Variants in DAB1 observed in about 807,000 individuals in gnomAD.
DAB1 encodes disabled homolog 1.
Under a neutral mutation model 64.6 loss-of-function variants are expected in DAB1, and 15 were observed. That is an observed-to-expected ratio of 0.23 (90% confidence interval 0.16 to 0.36). The LOEUF (loss-of-function observed/expected upper bound fraction) is 0.36. Ranked by LOEUF, DAB1 falls within the 10% of genes least tolerant of loss-of-function variation. DAB1 has a pLI of 1.00. For missense variants in DAB1, 596 were observed against 706.7 expected, an observed-to-expected ratio of 0.84 and a Z score of 1.78; for synonymous variants, 235 against 251.9, an observed-to-expected ratio of 0.93 and a Z score of 0.64.
chr1:57,704,014 C>T (rs2101734506), intron 6 of DAB1, among the ~76,000 whole-genome samples: 1 of 152,144 alleles, frequency 6.6e-6, no homozygotes, highest in Middle Eastern at 3.4e-3. Context: ...TAAAGGGGAA[C>T]AACACACACG....
intron 1 of DAB1, among the ~76,000 whole-genome samples, chr1:57,393,537 A>T (rs1019984144): frequency 6.6e-5 from 10 of 152,232 alleles, no homozygotes; most frequent in South Asian, 2.1e-4. Flanking sequence ...ACAAAAAAAA[A>T]ATATAAAAAT....
chr1:57,451,527 G>C (rs1198095852), intron 7 of DAB1, among the ~76,000 whole-genome samples: 1 of 152,130 alleles, frequency 6.6e-6, no homozygotes, highest in East Asian at 1.9e-4. Context: ...CATTTTCCTT[G>C]TATCCGAGAT....
chr1:57,975,893 G>C (rs1645907753), intron 5 of DAB1, among the ~76,000 whole-genome samples: 1 of 152,164 alleles, frequency 6.6e-6, no homozygotes, highest in South Asian at 2.1e-4. Flanking sequence ...CAAACTTAAG[G>C]ACTTCAAAGA....
chr1:57,215,153 T>C (rs1666332418), intron 2 of DAB1, among the ~76,000 whole-genome samples: 2 of 152,046 alleles, frequency 1.3e-5, no homozygotes, highest in South Asian at 2.1e-4. Flanking sequence ...GAGACTGTTG[T>C]ATTTGGGGTT....
chr1:58,079,842 T>C (rs542697658), intron 5 of DAB1, among the ~76,000 whole-genome samples: 1 of 152,154 alleles, frequency 6.6e-6, no homozygotes, highest in South Asian at 2.1e-4. Context: ...TTTAATTGCC[T>C]TATTTTCATA....
chr1:58,500,287 T>G (rs538292865), intron 3 of DAB1, among the ~76,000 whole-genome samples: 1 of 152,332 alleles, frequency 6.6e-6, no homozygotes, highest in South Asian at 2.1e-4. Context: ...ATATTTGCCT[T>G]TTCCTCAACA....
At chr1:57,538,999 A>C (rs1644763714) in intron 7 of DAB1, among the ~76,000 whole-genome samples, 1 of 152,192 alleles carries the variant, frequency 6.6e-6, no homozygotes, top group Non-Finnish European at 1.5e-5. Context: ...TTAGCATTTC[A>C]ATTGTGATGC....
intron 2 of DAB1, among the ~76,000 whole-genome samples, chr1:57,279,113 G>GT (rs1252319359): frequency 1.3e-5 from 2 of 152,164 alleles, no homozygotes; most frequent in African/African-American, 4.8e-5. Flanking sequence ...CACTTTTACA[G>GT]TGCTTGCTCC....
At chr1:57,727,219 T>C (rs1261727558) in intron 6 of DAB1, among the ~76,000 whole-genome samples, 1 of 152,196 alleles carries the variant, frequency 6.6e-6, no homozygotes, top group East Asian at 1.9e-4. Flanking sequence ...AATTAAGCTA[T>C]GGGACAGGAA....
At chr1:57,484,081 G>A (rs1176105515) in intron 7 of DAB1, among the ~76,000 whole-genome samples, 2 of 152,104 alleles carry the variant, frequency 1.3e-5, no homozygotes, top group Non-Finnish European at 2.9e-5. Context: ...AAGTGAAAGT[G>A]CATGCTATAC....
chr1:57,196,326 C>T (rs1664617378), intron 2 of DAB1, among the ~76,000 whole-genome samples: 1 of 152,200 alleles, frequency 6.6e-6, no homozygotes, highest in Non-Finnish European at 1.5e-5. Context: ...CCATCCTCAC[C>T]ATAGTACAAT....
intron 5 of DAB1, among the ~76,000 whole-genome samples, chr1:57,892,527 A>G (rs927048648): frequency 9.2e-5 from 14 of 152,234 alleles, no homozygotes; most frequent in Admixed American, 6.5e-4. Context: ...AGAGAAGTTA[A>G]TAACTTATCC....
At chr1:57,094,009 C>T (rs779499264) in intron 4 of DAB1, among the ~76,000 whole-genome samples, 3 of 150,884 alleles carry the variant, frequency 2.0e-5, no homozygotes, top group Non-Finnish European at 2.9e-5. Context: ...TGCAGATGGC[C>T]GAGGCACAAG....
At chr1:57,036,382 C>G (rs116185306) in intron 9 of DAB1, among the ~76,000 whole-genome samples, 1 of 152,164 alleles carries the variant, frequency 6.6e-6, no homozygotes, top group African/African-American at 2.4e-5. Context: ...ACTGTTCTAA[C>G]TCTGGCTCAG....
intron 4 of DAB1, among the ~76,000 whole-genome samples, chr1:57,126,722 T>C (rs929366155): frequency 6.6e-6 from 1 of 152,178 alleles, no homozygotes; most frequent in African/African-American, 2.4e-5. Flanking sequence ...TTCTAACAAG[T>C]AACTCTTCAA....
At chr1:58,130,550 T>C (rs1340568950) in intron 5 of DAB1, among the ~76,000 whole-genome samples, 4 of 152,202 alleles carry the variant, frequency 2.6e-5, no homozygotes, top group East Asian at 1.9e-4. Flanking sequence ...TTCTTCCTAG[T>C]CTTGATGGTC....
chr1:58,319,506 CT>C (rs1194699417), intron 4 of DAB1, among the ~76,000 whole-genome samples: 2 of 152,146 alleles, frequency 1.3e-5, no homozygotes, highest in African/African-American at 4.8e-5. Flanking sequence ...AGGACTCTTC[CT>C]TCTCTCTTCT....
Position 57,015,271 on chromosome 1 carries a change from C to A in DAB1, c.1056G>T (p.Gln352His), listed in dbSNP as rs1338290521. The stretch of plus-strand genomic sequence containing the variant: ...ACTGCCCGGCCACAGTTGGCCAGGG[C>A]TGCTGAGTGGCAGGAAAGAGACCCG... The part of the protein sequence containing the change: ...GQPGLFPATQ[Q>H]PWPTVAGQFP... The change falls in exon 12 of 15, where the codon CAG becomes CAT. Residue 352 changes from glutamine to histidine, a missense_variant. Physicochemically the swap from Gln to His is conservative, Grantham distance 24. Coordinates refer to ENST00000371236, the MANE Select transcript of DAB1 (RefSeq NM_001365792.1). 1.2e-6 allele frequency: 2 copies of A among 1,614,092 alleles called. No individual in the cohort carries two copies. The highest frequency in any genetic ancestry group is 1.1e-5 in the South Asian group (1 of 91,072).
intron 5 of DAB1, among the ~76,000 whole-genome samples, chr1:58,101,683 T>C (rs1419190092): frequency 1.3e-5 from 2 of 152,220 alleles, no homozygotes; most frequent in African/African-American, 4.8e-5. Flanking sequence ...TTAGGGCCAG[T>C]CACTTTTCTT....
Sources: gnomAD v4.1 joint callset for allele counts (sites outside exome capture counted in the v4.1 genomes callset) on GRCh38, gnomAD v4.1.1 for gene constraint, MANE v1.5 for transcripts, NCBI Gene and HGNC (gene_info 2026-07-23, HGNC 2026-07-21) for gene names.